The following GRK5 variants were observed in gnomAD, a reference collection of about 807,000 sequenced individuals.
GRK5 encodes G protein-coupled receptor kinase 5.
A neutral mutation model predicts 78.4 loss-of-function variants in GRK5; 40 were observed. The observed-to-expected ratio is 0.51, with a 90% CI of 0.40 to 0.66. The LOEUF is 0.66. Among genes scored for constraint, GRK5 ranks in the 30% least tolerant of loss-of-function variants. The probability of loss-of-function intolerance (pLI) is 0.00; values close to 1 mark genes in which losing one functional copy is unlikely to be tolerated. For synonymous variants in GRK5, 289 were observed against 296.8 expected (o/e 0.97, Z 0.27); for missense variants, 598 against 759.9 (o/e 0.79, Z 2.50).
intron 1 of GRK5, among the ~76,000 whole-genome samples, chr10:119,220,428 C>G (rs532333673): frequency 6.6e-6 from 1 of 152,258 alleles, no homozygotes; most frequent in African/African-American, 2.4e-5. Context: ...CCATGGGTTA[C>G]GGAGGTGAGG....
chr10:119,334,896 A>G (rs1479853610), intron 2 of GRK5: 2 of 151,872 alleles, frequency 1.3e-5, no homozygotes, highest in Admixed American at 1.3e-4. Context: ...CCGAACCCTC[A>G]CAGACAGACA....
intron 1 of GRK5, among the ~76,000 whole-genome samples, chr10:119,307,661 A>G (rs73445475): frequency 0.022 from 3,301 of 152,216 alleles, 137 homozygotes; most frequent in African/African-American, 0.076. Flanking sequence ...TGACTTCTAG[A>G]ACTGTAGGAT....
intron 1 of GRK5, among the ~76,000 whole-genome samples, chr10:119,226,300 T>C (rs1281467640): frequency 1.3e-5 from 2 of 150,682 alleles, no homozygotes; most frequent in Middle Eastern, 6.8e-3. Flanking sequence ...TCTTTTTTTT[T>C]TTTTTAATTT....
At chr10:119,384,837 T>C (rs556313635) in intron 3 of GRK5, among the ~76,000 whole-genome samples, 2 of 152,264 alleles carry the variant, frequency 1.3e-5, no homozygotes, top group African/African-American at 2.4e-5. Flanking sequence ...TCTGAGACCA[T>C]GAGCATCATA....
chr10:119,359,033 T>C (rs565487986), intron 2 of GRK5, among the ~76,000 whole-genome samples: 2 of 152,248 alleles, frequency 1.3e-5, no homozygotes, highest in East Asian at 1.9e-4. Flanking sequence ...TATAGTCACA[T>C]TGGGGGTTAG....
In GRK5 at chr10:119,379,657, G is replaced by GC. The variant is rs558388448; in HGVS notation, c.149-1157dup. ...TCATCCGACTGTGTCCCGTGCAGCT[G>GC]CAACATCGATGGCCTAGTGTTCCGT... On this transcript the variant is annotated intron_variant, in intron 2 of 15. Coordinates refer to ENST00000392870, the MANE Select transcript of GRK5 (RefSeq NM_005308.3). This position sits in a 1 kb window ranked among gnomAD's most constrained non-coding sequence, Gnocchi z 4.1. 4.8e-4 allele frequency among the ~76,000 whole-genome samples: 73 copies of GC among 152,258 alleles called. No individual in the cohort carries two copies. Among genetic ancestry groups the GC allele is most frequent in the African/African-American group, 1.7e-3 (72 of 41,536 alleles).
At position 119,455,057 on chromosome 10, in the gene GRK5, G is replaced by T; in HGVS notation, c.1763G>T (p.Gly588Val). Residue 588 changes from glycine (G) to valine (V), a missense_variant, in exon 16 of 16, where the codon GGA (glycine) becomes GTA (valine). By Grantham distance (109) the Gly-to-Val change is moderately radical (BLOSUM62 -3). Transcript: ENST00000392870. Reference protein sequence around the residue: ...NSNHVSSNSTGSS With the variant: ...NSNHVSSNSTVSS ...AACCATGTCAGCTCGAACTCCACCGGAAGCAGCTAGTTTCGGCTCTGGCCT... is the reference window on the plus strand; with the variant it reads ...AACCATGTCAGCTCGAACTCCACCGTAAGCAGCTAGTTTCGGCTCTGGCCT... 6.2e-7 allele frequency: 1 copy of T among 1,613,536 alleles called. No homozygotes were observed. The highest frequency in any genetic ancestry group is 1.1e-5 in the South Asian group (1 of 91,064).
intron 6 of GRK5, among the ~76,000 whole-genome samples, chr10:119,429,255 C>T (rs530315005): frequency 2.6e-5 from 4 of 152,186 alleles, no homozygotes; most frequent in South Asian, 4.1e-4. Flanking sequence ...CCTCAGAGTG[C>T]GGCTGTGGTG....
intron 1 of GRK5, among the ~76,000 whole-genome samples, chr10:119,247,299 G>A (rs1276725237): frequency 4.6e-5 from 7 of 152,208 alleles, no homozygotes; most frequent in Admixed American, 3.3e-4. Context: ...ACTGTGAGAA[G>A]CATCCAGAAA....
intron 1 of GRK5, among the ~76,000 whole-genome samples, chr10:119,248,018 T>C (rs952056050): frequency 1.3e-5 from 2 of 152,162 alleles, no homozygotes; most frequent in African/African-American, 2.4e-5. Context: ...CGTAATTAGC[T>C]TTATTTTTAT....
At chr10:119,381,998 G>A (rs151177293) in intron 3 of GRK5, among the ~76,000 whole-genome samples, 29 of 152,320 alleles carry the variant, frequency 1.9e-4, no homozygotes, top group African/African-American at 5.5e-4. Flanking sequence ...AATGCACTCA[G>A]GACTTTCTCC....
intron 1 of GRK5, among the ~76,000 whole-genome samples, chr10:119,282,750 G>A (rs1002883709): frequency 6.6e-6 from 1 of 152,260 alleles, no homozygotes; most frequent in African/African-American, 2.4e-5. Flanking sequence ...GAGTTGTCAG[G>A]AGAGTCCAGG....
At chr10:119,244,390 A>G (rs1849073520) in intron 1 of GRK5, among the ~76,000 whole-genome samples, 1 of 152,266 alleles carries the variant, frequency 6.6e-6, no homozygotes, top group Non-Finnish European at 1.5e-5. Flanking sequence ...AACAACAACA[A>G]CAGCAACAAA....
intron 12 of GRK5, among the ~76,000 whole-genome samples, chr10:119,444,299 G>A (rs1341273670): frequency 2.6e-5 from 4 of 152,134 alleles, no homozygotes; most frequent in Admixed American, 2.6e-4. Flanking sequence ...TAGGGATAGT[G>A]AGGTCAGACC....
In GRK5 at chr10:119,271,691, A is replaced by G. The variant is rs1372660783; in HGVS notation, c.53-54825A>G. ...GGGAACGTGGGGCCTTTGACTCGTC[A>G]GGGAAAAACAGGTGTGTGAGCACTA... On this transcript the variant is annotated intron_variant, in intron 1 of 15. Coordinates refer to ENST00000392870, the MANE Select transcript of GRK5 (RefSeq NM_005308.3). This position sits in a 1 kb window ranked among gnomAD's most constrained non-coding sequence, Gnocchi z 4.1. Among the ~76,000 whole-genome samples, 2 of 152,188 alleles carry G rather than the reference A, an allele frequency of 1.3e-5. No homozygotes were observed. The highest frequency in any genetic ancestry group is 2.9e-5 in the Non-Finnish European group (2 of 68,022).
chr10:119,258,689 C>A (rs1849325138), intron 1 of GRK5, among the ~76,000 whole-genome samples: 1 of 152,180 alleles, frequency 6.6e-6, no homozygotes, highest in South Asian at 2.1e-4. Context: ...GAAGTGGACT[C>A]TGGTGCAATG....
At chr10:119,376,235 G>T (rs140657437) in intron 2 of GRK5, among the ~76,000 whole-genome samples, 1 of 152,100 alleles carries the variant, frequency 6.6e-6, no homozygotes, top group East Asian at 1.9e-4. Flanking sequence ...CCCTTTCCCA[G>T]TCACCTTCCT....
At chr10:119,429,394 G>A (rs1456403369) in intron 6 of GRK5, among the ~76,000 whole-genome samples, 3 of 151,702 alleles carry the variant, frequency 2.0e-5, no homozygotes, top group East Asian at 3.9e-4. Context: ...TGCCCTGGTC[G>A]GGACTTTTGA....
chr10:119,395,853 C>A (rs1015822930), intron 3 of GRK5, among the ~76,000 whole-genome samples: 1 of 152,200 alleles, frequency 6.6e-6, no homozygotes, highest in African/African-American at 2.4e-5. Context: ...CCTCCCGCTG[C>A]ATGACCCTAT....
Sources: allele counts gnomAD v4.1 joint callset (sites outside exome capture counted in the v4.1 genomes callset), GRCh38; gene constraint gnomAD v4.1.1; non-coding constraint Gnocchi (gnomAD v3.1); transcripts MANE v1.5; gene names NCBI Gene and HGNC (gene_info 2026-07-23, HGNC 2026-07-21).